ZNF407: variants seen among roughly 807,000 people sequenced by gnomAD.
ZNF407 encodes the protein zinc finger protein 407.
Under a neutral mutation model 131.2 loss-of-function variants are expected in ZNF407, and 17 were observed. The ratio of observed to expected loss-of-function variants is 0.13; its 90% CI spans 0.09 to 0.19. ZNF407 has a LOEUF of 0.19. ZNF407 is among the 10% of genes least tolerant of loss of function. The pLI is 1.00. For synonymous variants in ZNF407, 1,156 were observed against 1,062.0 expected (o/e 1.09, Z -1.72); for missense variants, 2,681 against 2,830.6 (o/e 0.95, Z 1.20).
chr18:74,842,067 G>T (rs1177478676), intron 4 of ZNF407, among the ~76,000 whole-genome samples: 1 of 152,022 alleles, frequency 6.6e-6, no homozygotes, highest in Non-Finnish European at 1.5e-5. Flanking sequence ...GATTTCTTTG[G>T]TCTTTGTGTT....
At chr18:74,607,480 GA>G (rs1411520659) in intron 1 of ZNF407, among the ~76,000 whole-genome samples, 1 of 148,392 alleles carries the variant, frequency 6.7e-6, no homozygotes. Context: ...TTAGATGGGG[GA>G]AAAAAAAAAA....
At position 74,742,531 on chromosome 18, in the gene ZNF407, T is replaced by TA. The variant is rs1332092348; in HGVS notation, c.4803-38896dup. On this transcript the variant is annotated intron_variant, in intron 3 of 8. Coordinates refer to ENST00000299687, the MANE Select transcript of ZNF407 (RefSeq NM_017757.3). ...GAATCATGCTTTGTTCTTTTTTGAA[T>TA]ATTTGTTGATTGAGTACTCAACTCT... Among the ~76,000 whole-genome samples, 3 of 152,324 alleles carry TA rather than the reference T, an allele frequency of 2.0e-5. No homozygotes were observed. In the East Asian group the frequency reaches 5.8e-4, roughly 29 times the overall value.
intron 1 of ZNF407, among the ~76,000 whole-genome samples, chr18:74,617,430 T>G (rs1167560170): frequency 3.3e-5 from 5 of 152,246 alleles, no homozygotes; most frequent in Non-Finnish European, 7.3e-5. Flanking sequence ...CTGCAATTCA[T>G]GTATCTTTAG....
At chr18:74,877,457 T>C in intron 5 of ZNF407, 94 bp downstream of exon 5, 1 of 1,135,712 alleles carries the variant, frequency 8.8e-7, no homozygotes, top group Non-Finnish European at 1.3e-6. Context: ...ATCTTCATAG[T>C]AATCAATGGA....
intron 8 of ZNF407, among the ~76,000 whole-genome samples, chr18:75,002,475 G>A (rs1164913442): frequency 6.6e-6 from 1 of 152,126 alleles, no homozygotes; most frequent in Non-Finnish European, 1.5e-5. Flanking sequence ...GGATGACTCA[G>A]CCAGACTCTA....
At position 75,048,169 on chromosome 18, in the gene ZNF407, G is replaced by A. The variant is rs1452847329; in HGVS notation, c.5429-14981G>A. On this transcript the variant is annotated intron_variant, in intron 8 of 8. Coordinates refer to ENST00000299687, the MANE Select transcript of ZNF407 (RefSeq NM_017757.3). The surrounding 1 kb of genome is among the most constrained non-coding windows in gnomAD (Gnocchi z 4.1). ...AGCTGACACCTGTCAGCAGCACCAGGCCTGTGCCTCGTCTCCCGGTGACCT... is the reference window on the plus strand; with the variant it reads ...AGCTGACACCTGTCAGCAGCACCAGACCTGTGCCTCGTCTCCCGGTGACCT... Among the ~76,000 whole-genome samples, 6 of 152,190 alleles carry A rather than the reference G, an allele frequency of 3.9e-5. No individual in the cohort carries two copies. Among genetic ancestry groups the A allele is most frequent in the African/African-American group, 1.4e-4 (6 of 41,450 alleles).
chr18:74,766,476 C>A (rs148847992), intron 3 of ZNF407, among the ~76,000 whole-genome samples: 2 of 152,146 alleles, frequency 1.3e-5, no homozygotes, highest in East Asian at 1.9e-4. Flanking sequence ...AATGCCTGCG[C>A]GCTATGGTTT....
At chr18:74,908,906 T>G (rs2145219887) in intron 7 of ZNF407, among the ~76,000 whole-genome samples, 1 of 152,262 alleles carries the variant, frequency 6.6e-6, no homozygotes. Context: ...CCAGAAAATT[T>G]ATAAATCATA....
At chr18:74,837,953 G>A (rs948035085) in intron 4 of ZNF407, among the ~76,000 whole-genome samples, 3 of 152,098 alleles carry the variant, frequency 2.0e-5, no homozygotes, top group Non-Finnish European at 2.9e-5. Flanking sequence ...TGCGTCTGGA[G>A]CATTTGTGTA....
At chr18:75,017,870 C>T (rs1379907740) in intron 8 of ZNF407, among the ~76,000 whole-genome samples, 1 of 152,144 alleles carries the variant, frequency 6.6e-6, no homozygotes, top group African/African-American at 2.4e-5. Context: ...TCTACACTGT[C>T]CAGTGGTGGG....
Position 74,675,278 on chromosome 18 carries a change from A to G in ZNF407, c.4802+34156A>G, listed in dbSNP as rs1403122474. ...ATCACTTAACCTCTTATGTTTCTTCATAGATCACTTACCGAAAAAGTACTT... is the reference window on the plus strand; with the variant it reads ...ATCACTTAACCTCTTATGTTTCTTCGTAGATCACTTACCGAAAAAGTACTT... On this transcript the variant is annotated intron_variant, in intron 3 of 8. Coordinates refer to ENST00000299687, the MANE Select transcript of ZNF407 (RefSeq NM_017757.3). Among the ~76,000 whole-genome samples, 8 of 152,290 alleles carry G rather than the reference A, an allele frequency of 5.3e-5. No individual in the cohort carries two copies. In the East Asian group the frequency reaches 1.3e-3, roughly 26 times the overall value.
In ZNF407 at chr18:75,062,828, T is replaced by C. The variant is rs8093540; in HGVS notation, c.5429-322T>C. 6.9e-4 allele frequency: 156 copies of C among 227,546 alleles called. 1 individual carries two copies. The highest frequency in any genetic ancestry group is 3.3e-3 in the African/African-American group (145 of 44,320). 14.1% of individuals were successfully genotyped at this position (227,546 alleles called of 1,614,324 possible). ...TTGTTACAAAAGACATGATGGTGGT[T>C]GGGGGGAGGTATCCAGCCTCCTTCC... On this transcript the variant is annotated intron_variant, in intron 8 of 8. Coordinates refer to ENST00000299687, the MANE Select transcript of ZNF407 (RefSeq NM_017757.3).
At chr18:74,792,412 G>A (rs1969843156) in intron 4 of ZNF407, among the ~76,000 whole-genome samples, 1 of 150,494 alleles carries the variant, frequency 6.6e-6, no homozygotes, top group African/African-American at 2.5e-5. Flanking sequence ...TGTTTAGAAT[G>A]CCTTTTCTCT....
chr18:75,002,256 A>G (rs1431203556), intron 8 of ZNF407, among the ~76,000 whole-genome samples: 1 of 152,206 alleles, frequency 6.6e-6, no homozygotes, highest in African/African-American at 2.4e-5. Context: ...TATTCTGACC[A>G]CAAGTTTCTA....
chr18:75,003,356 A>G (rs1972870304), intron 8 of ZNF407, among the ~76,000 whole-genome samples: 1 of 152,178 alleles, frequency 6.6e-6, no homozygotes, highest in South Asian at 2.1e-4. Flanking sequence ...TCCTTCAAGG[A>G]GGCTATTTTT....
At chr18:75,030,074 T>C (rs1973222327) in intron 8 of ZNF407, among the ~76,000 whole-genome samples, 1 of 152,190 alleles carries the variant, frequency 6.6e-6, no homozygotes, top group Non-Finnish European at 1.5e-5. Context: ...AAACAAGTTT[T>C]CCTGGGAGGA....
rs76237322 is a variant in ZNF407, at chr18:74,861,571, G to T, written c.4878-15626G>T. ...TTCAGGACAGGAATAACTTTATTTA[G>T]CTTGGTTATTTTACATCTGAAGGAA... On this transcript the variant is annotated intron_variant, in intron 4 of 8. Transcript: ENST00000299687. Among the ~76,000 whole-genome samples the T allele has an allele frequency of 6.9e-3, 1,052 of 152,248 alleles. 11 individuals carry two copies. The highest frequency in any genetic ancestry group is 0.022 in the African/African-American group (929 of 41,542).
intron 3 of ZNF407, among the ~76,000 whole-genome samples, chr18:74,679,814 T>C (rs189606293): frequency 6.6e-6 from 1 of 152,366 alleles, no homozygotes; most frequent in East Asian, 1.9e-4. Context: ...TTACCCACTC[T>C]AACCCCACAG....
At chr18:75,004,897 T>A (rs1324839997) in intron 8 of ZNF407, among the ~76,000 whole-genome samples, 1 of 152,196 alleles carries the variant, frequency 6.6e-6, no homozygotes, top group Non-Finnish European at 1.5e-5. Flanking sequence ...AGATGGCTTC[T>A]GGCAGCGCTG....
Sources: gnomAD v4.1 joint callset for allele counts (sites outside exome capture counted in the v4.1 genomes callset) on GRCh38, gnomAD v4.1.1 for gene constraint, Gnocchi (gnomAD v3.1) non-coding constraint, MANE v1.5 for transcripts, NCBI Gene and HGNC (gene_info 2026-07-23, HGNC 2026-07-21) for gene names.